KANSL1L: variants seen among roughly 807,000 people sequenced by gnomAD.
KANSL1L encodes KAT8 regulatory NSL complex subunit 1 like.
KANSL1L carries 25 observed loss-of-function variants against 108.6 expected under a neutral mutation model. The ratio of observed to expected loss-of-function variants is 0.23; its 90% confidence interval spans 0.17 to 0.32. The LOEUF is 0.32. Among genes scored for constraint, KANSL1L ranks in the 10% least tolerant of loss-of-function variants. The pLI is 1.00. For missense variants in KANSL1L, 1,137 were observed against 1,125.7 expected (o/e 1.01, Z -0.14); for synonymous variants, 405 against 395.1 (o/e 1.03, Z -0.30).
chr2:210,064,389 T>TA (rs950562992), intron 6 of KANSL1L: 1 of 152,184 alleles, frequency 6.6e-6, no homozygotes, highest in African/African-American at 2.4e-5. Context: ...CAAAGTCAAG[T>TA]AAAAATGCAT....
chr2:210,065,405 C>T (rs369214667), intron 6 of KANSL1L, among the ~76,000 whole-genome samples: 1 of 151,032 alleles, frequency 6.6e-6, no homozygotes, highest in East Asian at 1.9e-4. Flanking sequence ...TTTCCAGCTA[C>T]TCCACACACC....
At chr2:210,138,025 T>A (rs2095190294) in intron 2 of KANSL1L, among the ~76,000 whole-genome samples, 1 of 151,808 alleles carries the variant, frequency 6.6e-6, no homozygotes, top group African/African-American at 2.4e-5. Flanking sequence ...AGCAAGACTC[T>A]GACTCAAAAA....
intron 7 of KANSL1L, among the ~76,000 whole-genome samples, chr2:210,042,255 C>T (rs948475277): frequency 6.6e-6 from 1 of 152,000 alleles, no homozygotes; most frequent in Non-Finnish European, 1.5e-5. Context: ...AATGCGAGTA[C>T]CTTGAGGGAT....
chr2:210,122,588 T>C (rs1174627826), intron 3 of KANSL1L, among the ~76,000 whole-genome samples: 1 of 152,072 alleles, frequency 6.6e-6, no homozygotes, highest in African/African-American at 2.4e-5. Context: ...AAGAAAACAT[T>C]GGAAAAACTC....
chr2:210,040,910 C>CT (rs2094157255), intron 7 of KANSL1L, among the ~76,000 whole-genome samples: 1 of 152,142 alleles, frequency 6.6e-6, no homozygotes, highest in Non-Finnish European at 1.5e-5. Flanking sequence ...CTGGCTGACT[C>CT]TAAATCCATT....
chr2:210,126,011 A>G (rs1270849767), intron 3 of KANSL1L, among the ~76,000 whole-genome samples: 1 of 152,236 alleles, frequency 6.6e-6, no homozygotes, highest in Non-Finnish European at 1.5e-5. Flanking sequence ...AATAAATGGC[A>G]TCCAAACTGT....
intron 5 of KANSL1L, among the ~76,000 whole-genome samples, chr2:210,087,364 T>A (rs2094647815): frequency 6.6e-6 from 1 of 152,162 alleles, no homozygotes; most frequent in Non-Finnish European, 1.5e-5. Flanking sequence ...TACAGATTTT[T>A]TTAAATATCT....
At chr2:210,167,105 C>CAAAAAAAAA (rs1451531578) in intron 1 of KANSL1L, among the ~76,000 whole-genome samples, 1 of 151,516 alleles carries the variant, frequency 6.6e-6, no homozygotes, top group Non-Finnish European at 1.5e-5. Context: ...ATTAAACAAA[C>CAAAAAAAAA]AAAAAAAGAA....
chr2:210,029,676 T>C (rs986759556), intron 10 of KANSL1L, 127 bp downstream of exon 10: 2 of 468,872 alleles, frequency 4.3e-6, no homozygotes, highest in Non-Finnish European at 7.5e-6. Context: ...TCTAACAAGA[T>C]AGTTATAAAT....
chr2:210,114,295 A>G (rs188181179), intron 3 of KANSL1L, among the ~76,000 whole-genome samples: 1 of 152,236 alleles, frequency 6.6e-6, no homozygotes, highest in African/African-American at 2.4e-5. Context: ...CAAACAAAAG[A>G]AAACAAGACA....
chr2:210,153,072 G>A (rs2095313489), intron 2 of KANSL1L: 1 of 155,182 alleles, frequency 6.4e-6, no homozygotes, highest in African/African-American at 2.4e-5. Flanking sequence ...AAAGATTATG[G>A]TGGCTGGATG....
chr2:210,131,054 A>G (rs940772088), intron 2 of KANSL1L, among the ~76,000 whole-genome samples: 2 of 152,126 alleles, frequency 1.3e-5, no homozygotes, highest in African/African-American at 4.8e-5. Context: ...TTCTGAGCAA[A>G]TGCGCTGTAA....
chr2:210,078,014 T>C (rs1030671688), intron 5 of KANSL1L, among the ~76,000 whole-genome samples: 1 of 152,222 alleles, frequency 6.6e-6, no homozygotes, highest in Non-Finnish European at 1.5e-5. Context: ...GTGAACACCA[T>C]TGAGTGTACT....
intron 1 of KANSL1L, among the ~76,000 whole-genome samples, chr2:210,161,550 T>A (rs1285462600): frequency 6.6e-6 from 1 of 152,198 alleles, no homozygotes; most frequent in African/African-American, 2.4e-5. Flanking sequence ...AAAAGCATTA[T>A]TCACAAAAAG....
intron 1 of KANSL1L, among the ~76,000 whole-genome samples, chr2:210,168,191 TC>T (rs1173426629): frequency 1.3e-5 from 2 of 152,082 alleles, no homozygotes; most frequent in Admixed American, 1.3e-4. Flanking sequence ...TAAATGTCAC[TC>T]CTGCTGCAAG....
At chr2:210,057,676 T>C (rs190213692) in intron 6 of KANSL1L, among the ~76,000 whole-genome samples, 4 of 152,338 alleles carry the variant, frequency 2.6e-5, no homozygotes, top group Admixed American at 6.5e-5. Flanking sequence ...GCTGAAGCCA[T>C]GGCAGAAGAA....
intron 13 of KANSL1L, among the ~76,000 whole-genome samples, chr2:210,024,415 T>C (rs2093906462): frequency 1.3e-5 from 2 of 152,162 alleles, no homozygotes; most frequent in South Asian, 4.1e-4. Context: ...TTATAACAGT[T>C]GTGGGGGGAG....
At chr2:210,169,079 A>T (rs1688170864) in intron 1 of KANSL1L, among the ~76,000 whole-genome samples, 1 of 152,178 alleles carries the variant, frequency 6.6e-6, no homozygotes, top group Admixed American at 6.5e-5. Flanking sequence ...TGGGAGGCAC[A>T]CACATACCAC....
intron 6 of KANSL1L, among the ~76,000 whole-genome samples, chr2:210,071,341 C>T (rs1192328730): frequency 2.6e-5 from 4 of 151,850 alleles, no homozygotes; most frequent in East Asian, 3.9e-4. Context: ...GATCTCAGCT[C>T]GCTGCAACCT....
Sources: gnomAD v4.1 joint callset for allele counts (sites outside exome capture counted in the v4.1 genomes callset) on GRCh38, gnomAD v4.1.1 for gene constraint, MANE v1.5 for transcripts, NCBI Gene and HGNC (gene_info 2026-07-23, HGNC 2026-07-21) for gene names.